NBAS: variants seen among roughly 807,000 people sequenced by gnomAD.
NBAS encodes NBAS subunit of NRZ tethering complex, also known as NAG/BC035112 fusion.
In NBAS, 219 loss-of-function variants were observed where a neutral mutation model predicts 302.5. The ratio of observed to expected loss-of-function variants is 0.72; its 90% CI spans 0.65 to 0.81. The LOEUF is 0.81. NBAS is among the 30% of genes least tolerant of loss of function. NBAS has a pLI of 0.00. For synonymous variants in NBAS, 1,118 were observed against 1,021.6 expected (o/e 1.09, Z -1.80); for missense variants, 2,932 against 2,841.6 (o/e 1.03, Z -0.72).
At chr2:15,153,834 T>C in the NBAS span, among the ~76,000 whole-genome samples, 1 of 152,256 alleles carries the variant, frequency 6.6e-6, no homozygotes, top group African/African-American at 2.4e-5. Context: ...TTGTGAGTTA[T>C]AGGAACCTTG....
At chr2:14,786,316 T>C in the NBAS span, among the ~76,000 whole-genome samples, 1 of 152,066 alleles carries the variant, frequency 6.6e-6, no homozygotes, top group Non-Finnish European at 1.5e-5. Flanking sequence ...TGTGTCTCTA[T>C]TTCCTTCAGT....
chr2:14,836,958 T>C, the NBAS span, among the ~76,000 whole-genome samples: 1 of 151,904 alleles, frequency 6.6e-6, no homozygotes, highest in East Asian at 1.9e-4. Flanking sequence ...TTTTCATGTG[T>C]ATTTTTATTA....
the NBAS span, among the ~76,000 whole-genome samples, chr2:14,889,511 G>A: frequency 2.0e-5 from 3 of 152,152 alleles, no homozygotes; most frequent in Admixed American, 6.5e-5. Flanking sequence ...AAAGGAGTCC[G>A]CATAGCTGGA....
chr2:15,412,786 G>T (rs1232052534), intron 25 of NBAS, among the ~76,000 whole-genome samples: 1 of 152,100 alleles, frequency 6.6e-6, no homozygotes, highest in Non-Finnish European at 1.5e-5. Flanking sequence ...TGAAGGGGGG[G>T]CTCTTACACA....
the NBAS span, among the ~76,000 whole-genome samples, chr2:15,012,758 G>T: frequency 6.6e-6 from 1 of 152,012 alleles, no homozygotes; most frequent in Non-Finnish European, 1.5e-5. Flanking sequence ...TAAATGTACT[G>T]AAAGAAAAAG....
In NBAS at chr2:15,234,750, G is replaced by T; in HGVS notation, c.5944-3C>A. ...TGACTGTATTTTTGCAGTGTTTCCT[G>T]TAAAGACATGGTAATCAGCACTTAA... On this transcript the variant is annotated splice_polypyrimidine_tract_variant and splice_region_variant and intron_variant, in intron 45 of 51. Coordinates refer to ENST00000281513, the MANE Select transcript of NBAS (RefSeq NM_015909.4). 6.2e-7 allele frequency: 1 copy of T among 1,613,674 alleles called. No homozygotes were observed. The highest frequency in any genetic ancestry group is 8.5e-7 in the Non-Finnish European group (1 of 1,179,642).
intron 9 of NBAS, among the ~76,000 whole-genome samples, chr2:15,532,720 C>A (rs1353676021): frequency 6.6e-6 from 1 of 151,814 alleles, no homozygotes; most frequent in Non-Finnish European, 1.5e-5. Context: ...ATTAAAATAG[C>A]TAAAAGTGGT....
At chr2:15,132,039 G>A in the NBAS span, among the ~76,000 whole-genome samples, 17 of 152,264 alleles carry the variant, frequency 1.1e-4, no homozygotes, top group South Asian at 1.0e-3. Context: ...ATGAGATTTG[G>A]CCGAGACATA....
intron 43 of NBAS, among the ~76,000 whole-genome samples, chr2:15,276,451 G>A (rs1033134397): frequency 1.3e-5 from 2 of 152,170 alleles, no homozygotes; most frequent in African/African-American, 4.8e-5. Flanking sequence ...AGGCTCTTAA[G>A]TGTTCCATGC....
At chr2:15,093,851 A>C in the NBAS span, among the ~76,000 whole-genome samples, 1 of 152,208 alleles carries the variant, frequency 6.6e-6, no homozygotes, top group Non-Finnish European at 1.5e-5. Flanking sequence ...TTAAGCATAG[A>C]AAAAAATGTT....
At chr2:15,017,838 A>G in the NBAS span, among the ~76,000 whole-genome samples, 1 of 152,114 alleles carries the variant, frequency 6.6e-6, no homozygotes, top group Admixed American at 6.6e-5. Flanking sequence ...TCAAAGAGAC[A>G]TCTGCATCCC....
chr2:14,985,645 T>C, the NBAS span, among the ~76,000 whole-genome samples: 2 of 152,342 alleles, frequency 1.3e-5, no homozygotes, highest in South Asian at 2.1e-4. Flanking sequence ...AGGGGCTCTT[T>C]CCATACATTT....
chr2:14,780,297 T>C, the NBAS span, among the ~76,000 whole-genome samples: 2 of 152,246 alleles, frequency 1.3e-5, no homozygotes, highest in Non-Finnish European at 2.9e-5. Flanking sequence ...GGAATGTCTT[T>C]TAAGCCAAAA....
At chr2:15,048,797 C>T in the NBAS span, among the ~76,000 whole-genome samples, 248 of 152,374 alleles carry the variant, frequency 1.6e-3, no homozygotes, top group African/African-American at 5.7e-3. Flanking sequence ...CCTGCACTGA[C>T]CAGGTGCTGT....
At chr2:15,308,552 A>T (rs942055555) in intron 39 of NBAS, among the ~76,000 whole-genome samples, 199 bp from the exon 40 acceptor site, 6 of 152,226 alleles carry the variant, frequency 3.9e-5, no homozygotes, top group African/African-American at 1.2e-4. Context: ...GTAAAAGTAG[A>T]TGTAAAGATC....
At chr2:14,890,314 T>G in the NBAS span, among the ~76,000 whole-genome samples, 1 of 152,184 alleles carries the variant, frequency 6.6e-6, no homozygotes, top group Non-Finnish European at 1.5e-5. Flanking sequence ...TGATGTAAGA[T>G]AGAAATTTCC....
intron 39 of NBAS, among the ~76,000 whole-genome samples, chr2:15,308,606 A>G (rs1248086225): frequency 6.6e-6 from 1 of 152,236 alleles, no homozygotes; most frequent in African/African-American, 2.4e-5. Flanking sequence ...GATACTGACC[A>G]GGATCCTTTC....
At chr2:15,511,088 T>A (rs1335336301) in intron 10 of NBAS, 124 bp downstream of exon 10, 1 of 1,185,244 alleles carries the variant, frequency 8.4e-7, no homozygotes, top group Admixed American at 2.0e-5. Context: ...CAGCATTAAT[T>A]CACTGTCCTC....
At chr2:14,944,096 G>A in the NBAS span, among the ~76,000 whole-genome samples, 22 of 152,258 alleles carry the variant, frequency 1.4e-4, no homozygotes, top group Admixed American at 3.3e-4. Context: ...TCAGGAGATC[G>A]AGACCATCCT....
Sources: gnomAD v4.1 joint callset for allele counts (sites outside exome capture counted in the v4.1 genomes callset) on GRCh38, gnomAD v4.1.1 for gene constraint, MANE v1.5 for transcripts, NCBI Gene and HGNC (gene_info 2026-07-23, HGNC 2026-07-21) for gene names.